The following PDSS2 variants were observed in gnomAD, a reference collection of about 807,000 sequenced individuals.
The protein encoded by PDSS2 is decaprenyl diphosphate synthase subunit 2, also known as all trans-polyprenyl-diphosphate synthase PDSS2.
Under a neutral mutation model 44.5 loss-of-function variants are expected in PDSS2, and 31 were observed. The observed-to-expected ratio is 0.70, with a 90% CI of 0.52 to 0.94. PDSS2 has a LOEUF of 0.94. Ranked by LOEUF, PDSS2 falls within the 40% of genes least tolerant of loss-of-function variation. The probability of loss-of-function intolerance (pLI) is 0.00; values close to 1 mark genes in which losing one functional copy is unlikely to be tolerated. For missense variants in PDSS2, 452 were observed against 482.2 expected (o/e 0.94, Z 0.59); for synonymous variants, 157 against 180.3 (o/e 0.87, Z 1.03).
intron 1 of PDSS2, among the ~76,000 whole-genome samples, chr6:107,409,039 C>T (rs1407701513): frequency 1.3e-5 from 2 of 152,128 alleles, no homozygotes; most frequent in Admixed American, 6.5e-5. Flanking sequence ...ATCTACTTAA[C>T]ATATAAAAAG....
intron 2 of PDSS2, among the ~76,000 whole-genome samples, chr6:107,331,694 GC>G (rs1777716460): frequency 6.6e-6 from 1 of 152,040 alleles, no homozygotes; most frequent in Admixed American, 6.6e-5. Context: ...TCACTTTCTA[GC>G]TAAAATATTT....
rs1316652172 is a variant in PDSS2 at position 107,290,703 on chromosome 6, A to C, written c.432-16476T>G. Among the ~76,000 whole-genome samples, 3 of 152,040 alleles carry C rather than the reference A, an allele frequency of 2.0e-5. No homozygotes were observed. The East Asian group carries it at 5.8e-4, about 29-fold the overall frequency. On this transcript the variant is annotated intron_variant, in intron 2 of 7. Coordinates refer to ENST00000369037, the MANE Select transcript of PDSS2 (RefSeq NM_020381.4). ...ATGTATCTACAAGGCTTAGCCATTC[A>C]CCCTCTTGAGGTCTCTGCAAAAGTG...
chr6:107,402,379 A>G (rs1183191194), intron 1 of PDSS2, among the ~76,000 whole-genome samples: 3 of 88,748 alleles, frequency 3.4e-5, no homozygotes, highest in Non-Finnish European at 5.1e-5. Context: ...CGTATAAATC[A>G]TAGTGTATTA....
At chr6:107,257,118 T>C (rs1229123855) in intron 3 of PDSS2, among the ~76,000 whole-genome samples, 1 of 150,682 alleles carries the variant, frequency 6.6e-6, no homozygotes, top group African/African-American at 2.4e-5. Flanking sequence ...AAGTGGAGGT[T>C]GGAGTGAGCC....
chr6:107,329,834 A>T (rs374760576), intron 2 of PDSS2, among the ~76,000 whole-genome samples: 10 of 151,942 alleles, frequency 6.6e-5, no homozygotes, highest in South Asian at 2.1e-4. Context: ...TCTATACCCC[A>T]CGTCTTTGTG....
At chr6:107,253,343 T>C (rs986640787) in intron 3 of PDSS2, among the ~76,000 whole-genome samples, 10 of 152,358 alleles carry the variant, frequency 6.6e-5, no homozygotes, top group Admixed American at 6.5e-4. Context: ...GCCATGTTTG[T>C]GGTTTAAGTA....
chr6:107,401,665 A>C (rs1229869730), intron 1 of PDSS2, among the ~76,000 whole-genome samples: 1 of 152,218 alleles, frequency 6.6e-6, no homozygotes, highest in East Asian at 1.9e-4. Flanking sequence ...AACCAATACA[A>C]AGAAATCAGA....
At chr6:107,391,044 G>A (rs1344377586) in intron 1 of PDSS2, among the ~76,000 whole-genome samples, 1 of 151,756 alleles carries the variant, frequency 6.6e-6, no homozygotes, top group Non-Finnish European at 1.5e-5. Flanking sequence ...CTGATGGGGG[G>A]AGGGTGGGGA....
rs55761226 is a variant in PDSS2, at chr6:107,265,266, C to T, written c.630+8763G>A. ...GCAATTATAAAACAGCTCTGAATTT[C>T]ATTTGACTGCAGAACCCTTCATCTA... On this transcript the variant is annotated intron_variant, in intron 3 of 7. Coordinates refer to ENST00000369037, the MANE Select transcript of PDSS2 (RefSeq NM_020381.4). 2.6e-3 allele frequency among the ~76,000 whole-genome samples: 403 copies of T among 152,308 alleles called. 1 individual carries two copies. The highest frequency in any genetic ancestry group is 4.8e-3 in the Non-Finnish European group (327 of 68,034).
At chr6:107,274,268 C>A (rs1775698798) in intron 2 of PDSS2, 41 bp from the exon 3 acceptor site, 1 of 1,445,682 alleles carries the variant, frequency 6.9e-7, no homozygotes, top group Non-Finnish European at 9.7e-7. Flanking sequence ...ATCAAGAACA[C>A]CATTTTATCA....
At chr6:107,262,074 A>T (rs1187452273) in intron 3 of PDSS2, among the ~76,000 whole-genome samples, 1 of 151,010 alleles carries the variant, frequency 6.6e-6, no homozygotes, top group Non-Finnish European at 1.5e-5. Context: ...ACGCCCGGCT[A>T]ATTTTTTTGC....
rs779470873 is a variant in PDSS2 at position 107,193,869 on chromosome 6, G to A, written c.1009-15C>T. 2 of 1,559,176 alleles carry A rather than the reference G, an allele frequency of 1.3e-6. No individual in the cohort carries two copies. Among genetic ancestry groups the A allele is most frequent in the African/African-American group, 1.4e-5 (1 of 73,788 alleles). ...TTTTCTTGAGCCTACAAAAGAAGAG[G>A]GGAAAATTAATTTGTTACTTCTCTA... On this transcript the variant is annotated splice_polypyrimidine_tract_variant and intron_variant, in intron 6 of 7. Transcript: ENST00000369037.
intron 3 of PDSS2, among the ~76,000 whole-genome samples, chr6:107,257,480 T>C (rs753442572): frequency 2.4e-4 from 37 of 152,010 alleles, no homozygotes; most frequent in Non-Finnish European, 5.3e-4. Context: ...GAGGTTACAG[T>C]GAGTGACAAT....
chr6:107,237,305 A>ATGG (rs1774257042), intron 4 of PDSS2, among the ~76,000 whole-genome samples: 1 of 151,830 alleles, frequency 6.6e-6, no homozygotes, highest in Admixed American at 6.6e-5. Flanking sequence ...GTGCAATGGC[A>ATGG]TGATCTTGGC....
chr6:107,314,252 C>A (rs2430467), intron 2 of PDSS2, among the ~76,000 whole-genome samples: 81,944 of 151,872 alleles, frequency 0.54, 23,185 homozygotes, highest in Middle Eastern at 0.72. Flanking sequence ...CACATGTTGG[C>A]CCTTATACTG....
chr6:107,410,045 CA>C (rs1164728927), intron 1 of PDSS2, among the ~76,000 whole-genome samples: 1 of 151,828 alleles, frequency 6.6e-6, no homozygotes, highest in Admixed American at 6.6e-5. Flanking sequence ...GAGTTAGAGA[CA>C]AAAAAAGCAA....
chr6:107,459,197 T>TC lies in PDSS2; in HGVS notation c.88dup (p.Asp30GlyfsTer75), dbSNP rs1156418390. The TC allele has an allele frequency of 6.2e-7, 1 of 1,613,710 alleles. No individual in the cohort carries two copies. Among genetic ancestry groups the TC allele is most frequent in the African/African-American group, 1.3e-5 (1 of 74,806 alleles). Reference sequence around the variant, plus strand: ...CCAAGAGCCCACCGAGGAGATGGTGTCGAGGGACGGGGACCACCACAGGCG... The same window carrying TC: ...CCAAGAGCCCACCGAGGAGATGGTGTCCGAGGGACGGGGACCACCACAGGCG... On this transcript the variant is annotated frameshift_variant, in exon 1 of 8. Transcript: ENST00000369037. LOFTEE classifies it high-confidence loss of function. The surrounding 1 kb of genome is among the most constrained non-coding windows in gnomAD (Gnocchi z 4.3).
intron 2 of PDSS2, among the ~76,000 whole-genome samples, chr6:107,296,269 A>G (rs545582391): frequency 6.6e-6 from 1 of 152,160 alleles, no homozygotes; most frequent in South Asian, 2.1e-4. Flanking sequence ...GTCTAGTATG[A>G]AAGATCATGT....
chr6:107,297,384 ATTT>A (rs752620723), intron 2 of PDSS2, among the ~76,000 whole-genome samples: 1 of 144,276 alleles, frequency 6.9e-6, no homozygotes, highest in Non-Finnish European at 1.5e-5. Context: ...GTGGGAGTGA[ATTT>A]TTTTTTTTTT....
Sources: gnomAD v4.1 joint callset for allele counts (sites outside exome capture counted in the v4.1 genomes callset) on GRCh38, gnomAD v4.1.1 for gene constraint, Gnocchi (gnomAD v3.1) non-coding constraint, MANE v1.5 for transcripts, NCBI Gene and HGNC (gene_info 2026-07-23, HGNC 2026-07-21) for gene names.